LHFPL3: variants seen among roughly 807,000 people sequenced by gnomAD.
LHFPL3 encodes LHFPL tetraspan subfamily member 3 protein.
LHFPL3 carries 5 observed loss-of-function variants against 19.3 expected under a neutral mutation model. The observed-to-expected ratio is 0.26, with a 90% CI of 0.14 to 0.54. The LOEUF is 0.54. Ranked by LOEUF, LHFPL3 falls within the 20% of genes least tolerant of loss-of-function variation. LHFPL3 has a pLI of 0.94. For missense variants in LHFPL3, 249 were observed against 307.4 expected (o/e 0.81, Z 1.42); for synonymous variants, 133 against 126.2 (o/e 1.05, Z -0.36).
At chr7:104,438,511 A>G (rs540637556) in intron 1 of LHFPL3, among the ~76,000 whole-genome samples, 5 of 152,244 alleles carry the variant, frequency 3.3e-5, no homozygotes, top group Admixed American at 3.3e-4. Context: ...TAATTTGTGC[A>G]TGAGTGAAAT....
chr7:104,647,410 T>C (rs189937130), intron 1 of LHFPL3, among the ~76,000 whole-genome samples: 4 of 152,304 alleles, frequency 2.6e-5, no homozygotes, highest in Non-Finnish European at 5.9e-5. Context: ...TCTGAGGAAA[T>C]ATAATGAATG....
chr7:104,758,975 A>C (rs1206095942), intron 2 of LHFPL3, among the ~76,000 whole-genome samples: 2 of 152,238 alleles, frequency 1.3e-5, no homozygotes, highest in Non-Finnish European at 2.9e-5. Context: ...GAGACATCTC[A>C]ACTCAGGTAA....
chr7:104,869,477 G>C (rs894232189), intron 2 of LHFPL3, among the ~76,000 whole-genome samples: 4 of 151,934 alleles, frequency 2.6e-5, no homozygotes, highest in Admixed American at 2.0e-4. Context: ...GCAGCCAAAA[G>C]ACACATGAAA....
intron 1 of LHFPL3, among the ~76,000 whole-genome samples, chr7:104,552,030 T>G (rs959981838): frequency 6.6e-5 from 10 of 152,210 alleles, no homozygotes; most frequent in African/African-American, 2.4e-4. Flanking sequence ...TTCAGAGAAG[T>G]GGCCTGGCTG....
chr7:104,562,761 C>G (rs997171471), intron 1 of LHFPL3, among the ~76,000 whole-genome samples: 2 of 151,814 alleles, frequency 1.3e-5, no homozygotes, highest in Non-Finnish European at 2.9e-5. Flanking sequence ...AGGCACTCTG[C>G]TTTTTAGAGT....
intron 1 of LHFPL3, among the ~76,000 whole-genome samples, chr7:104,534,483 C>G (rs1794358945): frequency 6.6e-6 from 1 of 152,212 alleles, no homozygotes; most frequent in Non-Finnish European, 1.5e-5. Context: ...GGATCCATTA[C>G]AGTGCTTGAT....
At chr7:104,702,353 T>C (rs775883316) in intron 1 of LHFPL3, among the ~76,000 whole-genome samples, 5 of 152,216 alleles carry the variant, frequency 3.3e-5, no homozygotes, top group Non-Finnish European at 5.9e-5. Context: ...CCTTCAGTGT[T>C]GTTTTTTCTA....
intron 1 of LHFPL3, among the ~76,000 whole-genome samples, chr7:104,704,798 G>C (rs1793163308): frequency 6.6e-6 from 1 of 152,046 alleles, no homozygotes; most frequent in Non-Finnish European, 1.5e-5. Flanking sequence ...ACCATGCTCA[G>C]CTAATTTTTT....
intron 1 of LHFPL3, among the ~76,000 whole-genome samples, chr7:104,666,570 G>A (rs957699819): frequency 2.8e-5 from 3 of 107,234 alleles, no homozygotes; most frequent in Admixed American, 1.4e-4. Flanking sequence ...CGCCCAGGCT[G>A]GAGTGCAGTG....
intron 1 of LHFPL3, among the ~76,000 whole-genome samples, chr7:104,723,168 C>T (rs941384554): frequency 1.3e-5 from 2 of 152,180 alleles, no homozygotes; most frequent in Admixed American, 6.5e-5. Flanking sequence ...ATTAGTGGCT[C>T]TGGGGAACCA....
At chr7:104,621,177 T>A (rs1033517172) in intron 1 of LHFPL3, among the ~76,000 whole-genome samples, 14 of 152,218 alleles carry the variant, frequency 9.2e-5, no homozygotes, top group Non-Finnish European at 1.0e-4. Flanking sequence ...ATAAGCCCAC[T>A]GATGCCAGTC....
intron 2 of LHFPL3, among the ~76,000 whole-genome samples, chr7:104,836,126 A>G (rs1177069097): frequency 1.3e-5 from 2 of 152,232 alleles, no homozygotes; most frequent in Non-Finnish European, 2.9e-5. Context: ...CAATGATAAC[A>G]AAGATTTCTA....
In LHFPL3 at chr7:104,530,752, T is replaced by G. The variant is rs185927155; in HGVS notation, c.445+201528T>G. Among the ~76,000 whole-genome samples, 3 of 152,332 alleles carry G rather than the reference T, an allele frequency of 2.0e-5. No individual in the cohort carries two copies. The East Asian group carries it at 5.8e-4, about 29-fold the overall frequency. On this transcript the variant is annotated intron_variant, in intron 1 of 2. Transcript: ENST00000424859. The stretch of plus-strand genomic sequence containing the variant: ...TATTGTGCAGTTGTAATAGAAGCAC[T>G]AAAATCTGTCTTTCTACCTCCAAGG...
chr7:104,393,410 A>G (rs1055685681), intron 1 of LHFPL3, among the ~76,000 whole-genome samples: 15 of 152,172 alleles, frequency 9.9e-5, no homozygotes, highest in African/African-American at 2.7e-4. Context: ...ATGTTCATCA[A>G]TGAATAATGA....
At chr7:104,499,336 G>C (rs1372387730) in intron 1 of LHFPL3, among the ~76,000 whole-genome samples, 1 of 152,176 alleles carries the variant, frequency 6.6e-6, no homozygotes, top group Non-Finnish European at 1.5e-5. Context: ...AATGATTGAT[G>C]TCAATGTGCT....
chr7:104,458,519 C>G lies in LHFPL3; in HGVS notation c.445+129295C>G, dbSNP rs370723458. Among the ~76,000 whole-genome samples the G allele has an allele frequency of 4.6e-5, 7 of 152,126 alleles. No individual in the cohort carries two copies. The South Asian group carries it at 8.3e-4, about 18-fold the overall frequency. On this transcript the variant is annotated intron_variant, in intron 1 of 2. Coordinates refer to ENST00000424859, the MANE Select transcript of LHFPL3 (RefSeq NM_199000.3). ...TACCATGCTGTTTTGGTTACTGTAG[C>G]CTTGTAGTATAGTTTGAAGTCAGGT...
intron 1 of LHFPL3, among the ~76,000 whole-genome samples, chr7:104,541,174 CA>C (rs1794480434): frequency 1.3e-5 from 2 of 150,830 alleles, no homozygotes; most frequent in African/African-American, 2.4e-5. Context: ...CCTTCAGTTC[CA>C]AAGGGAGAGC....
chr7:104,789,434 T>C (rs117066538), intron 2 of LHFPL3, among the ~76,000 whole-genome samples: 1 of 152,110 alleles, frequency 6.6e-6, no homozygotes, highest in Non-Finnish European at 1.5e-5. Flanking sequence ...TTTAACTGGA[T>C]TGGATTTCTG....
At chr7:104,463,970 A>G (rs1792725913) in intron 1 of LHFPL3, among the ~76,000 whole-genome samples, 1 of 152,194 alleles carries the variant, frequency 6.6e-6, no homozygotes, top group Admixed American at 6.5e-5. Context: ...GTCCACGTCC[A>G]AAGTCTCACC....
Sources: allele counts gnomAD v4.1 joint callset (sites outside exome capture counted in the v4.1 genomes callset), GRCh38; gene constraint gnomAD v4.1.1; transcripts MANE v1.5; gene names NCBI Gene and HGNC (gene_info 2026-07-23, HGNC 2026-07-21).